Variants in GRK5 observed in about 807,000 individuals in gnomAD.
The protein encoded by GRK5 is g protein-coupled receptor kinase GRK5.
GRK5 carries 40 observed loss-of-function variants against 78.4 expected under a neutral mutation model. The ratio of observed to expected loss-of-function variants is 0.51; its 90% CI spans 0.40 to 0.66. The LOEUF (loss-of-function observed/expected upper bound fraction) is 0.66, where lower values mean the gene tolerates loss of function less well. Among genes scored for constraint, GRK5 ranks in the 30% least tolerant of loss-of-function variants. The probability of loss-of-function intolerance (pLI) is 0.00; values close to 1 mark genes in which losing one functional copy is unlikely to be tolerated. For missense variants in GRK5, 598 were observed against 759.9 expected, an observed-to-expected ratio of 0.79 and a Z score of 2.50; for synonymous variants, 289 against 296.8, an observed-to-expected ratio of 0.97 and a Z score of 0.27.
intron 1 of GRK5, among the ~76,000 whole-genome samples, chr10:119,320,497 GAGAC>G (rs1850566191): frequency 6.6e-6 from 1 of 152,218 alleles, no homozygotes; most frequent in South Asian, 2.1e-4. Context: ...GTTCAACACA[GAGAC>G]AGACAGACTG....
At chr10:119,360,084 T>G (rs1404124414) in intron 2 of GRK5, among the ~76,000 whole-genome samples, 1 of 57,228 alleles carries the variant, frequency 1.7e-5, no homozygotes, top group South Asian at 6.3e-4. Context: ...GTTGAGGAGA[T>G]AGGGGGAGGC....
At chr10:119,342,707 C>T (rs1404319416) in intron 2 of GRK5, among the ~76,000 whole-genome samples, 2 of 152,224 alleles carry the variant, frequency 1.3e-5, no homozygotes, top group South Asian at 2.1e-4. Context: ...TTAAGCCCCT[C>T]TTCCTTCTTC....
chr10:119,414,831 C>A (rs1042123700), intron 4 of GRK5, among the ~76,000 whole-genome samples: 5 of 152,058 alleles, frequency 3.3e-5, no homozygotes, highest in African/African-American at 1.2e-4. Context: ...CCTGTAATCC[C>A]AGCACTTTGG....
intron 1 of GRK5, among the ~76,000 whole-genome samples, chr10:119,315,893 A>G (rs1358343950): frequency 2.6e-5 from 4 of 152,046 alleles, no homozygotes; most frequent in Admixed American, 2.6e-4. Flanking sequence ...CTCCAAATTC[A>G]TAGTCGAAAG....
intron 4 of GRK5, among the ~76,000 whole-genome samples, chr10:119,419,684 C>T (rs1276768422): frequency 1.3e-5 from 2 of 152,228 alleles, no homozygotes; most frequent in Non-Finnish European, 2.9e-5. Flanking sequence ...ACAGTTGGGT[C>T]ACCTCTAGAC....
intron 1 of GRK5, among the ~76,000 whole-genome samples, chr10:119,281,981 A>G (rs945297359): frequency 1.3e-5 from 2 of 152,082 alleles, no homozygotes; most frequent in African/African-American, 4.8e-5. Flanking sequence ...TCTCATTGCC[A>G]TTGGTGACCT....
At chr10:119,263,593 C>G (rs75502390) in intron 1 of GRK5, among the ~76,000 whole-genome samples, 3,054 of 152,202 alleles carry the variant, frequency 0.02, 55 homozygotes, top group Admixed American at 0.054. Flanking sequence ...TCAGCTTTTT[C>G]TCTCCTCTCT....
Position 119,423,178 on chromosome 10 carries a change from A to G in GRK5, c.352A>G (p.Ile118Val). ...TTCCTTCTTCCAGTCCCCTGTTTTC[A>G]TAGCCCAAGTTGGCCAAGACCTGGT... ...KYLTPKSPVF[I>V]AQVGQDLVSQ... The change falls in exon 5 of 16, where the codon ATA becomes GTA. Residue 118 changes from isoleucine to valine, a missense_variant. Physicochemically the swap from Ile to Val is conservative, Grantham distance 29. Transcript: ENST00000392870. 1.9e-6 allele frequency: 3 copies of G among 1,613,112 alleles called. No homozygotes were observed. The highest frequency in any genetic ancestry group is 1.1e-5 in the South Asian group (1 of 91,056).
intron 1 of GRK5, among the ~76,000 whole-genome samples, chr10:119,301,958 A>G (rs1850190191): frequency 1.3e-5 from 2 of 152,322 alleles, no homozygotes; most frequent in South Asian, 4.1e-4. Context: ...TTGTAGTGCC[A>G]GGTGGTACAA....
rs563414279 is a variant in GRK5, at chr10:119,406,603, C to G, written c.339+9831C>G. The G allele has an allele frequency of 7.7e-4, 300 of 387,258 alleles. 1 individual carries two copies. The highest frequency in any genetic ancestry group is 6.1e-3 in the African/African-American group (281 of 46,308). The allele number at this position is 387,258 out of a possible 1,614,324, so 24.0% of individuals were successfully genotyped here. ...TCCCCGGAACAGGTCATCCTGTTGT[C>G]AATTAATCTAGTGAGCTCAGACTCC... On this transcript the variant is annotated intron_variant, in intron 4 of 15. Coordinates refer to ENST00000392870, the MANE Select transcript of GRK5 (RefSeq NM_005308.3).
chr10:119,239,102 A>T (rs1160898259), intron 1 of GRK5, among the ~76,000 whole-genome samples: 1 of 152,144 alleles, frequency 6.6e-6, no homozygotes, highest in Non-Finnish European at 1.5e-5. Flanking sequence ...TTAAAAGTCA[A>T]GTCGGGTATA....
chr10:119,269,306 G>A (rs927549023), intron 1 of GRK5, among the ~76,000 whole-genome samples: 3 of 152,142 alleles, frequency 2.0e-5, no homozygotes, highest in Non-Finnish European at 2.9e-5. Flanking sequence ...CCTACTTCCC[G>A]TGAGAAGCAA....
intron 1 of GRK5, among the ~76,000 whole-genome samples, chr10:119,259,600 G>A (rs1849340537): frequency 6.6e-6 from 1 of 152,164 alleles, no homozygotes; most frequent in African/African-American, 2.4e-5. Flanking sequence ...GGGTCAAGTG[G>A]CCTGCCCTGG....
chr10:119,221,448 G>A (rs114417427), intron 1 of GRK5, among the ~76,000 whole-genome samples: 1,808 of 152,304 alleles, frequency 0.012, 43 homozygotes, highest in African/African-American at 0.041. Context: ...AATTGTGAAA[G>A]ACTTTGGAAG....
intron 2 of GRK5, among the ~76,000 whole-genome samples, chr10:119,357,385 A>G (rs1045809155): frequency 1.3e-5 from 2 of 152,170 alleles, no homozygotes; most frequent in Non-Finnish European, 2.9e-5. Context: ...AAGCTGAGGC[A>G]CCTGTGGTAA....
At chr10:119,220,423 G>C (rs191242476) in intron 1 of GRK5, among the ~76,000 whole-genome samples, 7 of 152,290 alleles carry the variant, frequency 4.6e-5, no homozygotes, top group African/African-American at 9.6e-5. Context: ...TGGTTCCATG[G>C]GTTACGGAGG....
chr10:119,300,781 G>A (rs1311713232), intron 1 of GRK5, among the ~76,000 whole-genome samples: 1 of 152,086 alleles, frequency 6.6e-6, no homozygotes, highest in Non-Finnish European at 1.5e-5. Flanking sequence ...TTATCAAGTC[G>A]TACTGTTTAC....
rs1287325942 is a variant in GRK5, at chr10:119,257,538, A to G, written c.52+49569A>G. 2.0e-5 allele frequency among the ~76,000 whole-genome samples: 3 copies of G among 152,246 alleles called. No individual in the cohort carries two copies. The East Asian group carries it at 5.8e-4, about 29-fold the overall frequency. On this transcript the variant is annotated intron_variant, in intron 1 of 15. Coordinates refer to ENST00000392870, the MANE Select transcript of GRK5 (RefSeq NM_005308.3). ...CAGGAGTTTGAGACCAGCCTGGCCAACATGGTGAAACCCTGTCTCTACTAA... is the reference window on the plus strand; with the variant it reads ...CAGGAGTTTGAGACCAGCCTGGCCAGCATGGTGAAACCCTGTCTCTACTAA...
rs752015634 is a variant in GRK5 at position 119,333,869 on chromosome 10, G to A, written c.148+7258G>A. 6 of 530,720 alleles carry A rather than the reference G, an allele frequency of 1.1e-5. No individual in the cohort carries two copies. The East Asian group carries it at 3.3e-4, about 29-fold the overall frequency. The allele number at this position is 530,720 out of a possible 1,614,324, so 32.9% of individuals were successfully genotyped here. On this transcript the variant is annotated intron_variant, in intron 2 of 15. Transcript: ENST00000392870. ...TGACAAATCAAGAAAGTTCCACAGG[G>A]TATGGAGCAGGTTGCTGAGCTGCAG... is the stretch of plus-strand genomic sequence containing the variant.
Sources: gnomAD v4.1 joint callset for allele counts (sites outside exome capture counted in the v4.1 genomes callset) on GRCh38, gnomAD v4.1.1 for gene constraint, MANE v1.5 for transcripts, NCBI Gene and HGNC (gene_info 2026-07-23, HGNC 2026-07-21) for gene names.